PKP4: variants seen among roughly 807,000 people sequenced by gnomAD.
PKP4 encodes plakophilin-4.
PKP4 carries 90 observed loss-of-function variants against 145.1 expected under a neutral mutation model. That is an observed-to-expected ratio of 0.62 (90% CI 0.52 to 0.74). PKP4 has a LOEUF of 0.74. Ranked by LOEUF, PKP4 falls within the 30% of genes least tolerant of loss-of-function variation. PKP4 has a pLI of 0.00. For missense variants in PKP4, 1,340 were observed against 1,482.7 expected, an observed-to-expected ratio of 0.90 and a Z score of 1.58; for synonymous variants, 563 against 577.2, an observed-to-expected ratio of 0.98 and a Z score of 0.35.
chr2:158,673,672 C>T lies in PKP4; in HGVS notation c.2925-5C>T, dbSNP rs1353181009. 8 of 1,604,564 alleles carry T rather than the reference C, an allele frequency of 5.0e-6. No homozygotes were observed. Among genetic ancestry groups the T allele is most frequent in the Non-Finnish European group, 6.8e-6 (8 of 1,172,364 alleles). On this transcript the variant is annotated splice_polypyrimidine_tract_variant and splice_region_variant and intron_variant, in intron 17 of 21. Coordinates refer to ENST00000389759, the MANE Select transcript of PKP4 (RefSeq NM_003628.6). ...CATTCATTAATATCCTTGCTCTCTA[C>T]CTAGATCATCTCTGAAAGTGGTGAA...
At chr2:158,505,726 A>T (rs2040914531) in intron 1 of PKP4, among the ~76,000 whole-genome samples, 1 of 152,104 alleles carries the variant, frequency 6.6e-6, no homozygotes, top group Admixed American at 6.5e-5. Context: ...AAGGCTTCTT[A>T]GGTGACGTGA....
At chr2:158,477,508 G>T (rs1405348797) in intron 1 of PKP4, among the ~76,000 whole-genome samples, 1 of 152,322 alleles carries the variant, frequency 6.6e-6, no homozygotes, top group East Asian at 1.9e-4. Flanking sequence ...ATCAGCTCCT[G>T]TACCGTTGAG....
intron 2 of PKP4, among the ~76,000 whole-genome samples, chr2:158,565,435 C>CTTTTTTTTTTTTTTTTTTT (rs10690465): frequency 7.4e-6 from 1 of 135,766 alleles, no homozygotes. Context: ...TTCTTTTTTC[C>CTTTTTTTTTTTTTTTTTTT]TTTTTTTTTT....
chr2:158,496,788 G>GTGTGTGTGTC (rs1553545763), intron 1 of PKP4, among the ~76,000 whole-genome samples: 6 of 150,504 alleles, frequency 4.0e-5, no homozygotes, highest in Non-Finnish European at 8.9e-5. Context: ...GTGTGTGTGT[G>GTGTGTGTGTC]TGTGTGTCTG....
chr2:158,489,036 C>T (rs999210556), intron 1 of PKP4, among the ~76,000 whole-genome samples: 1 of 152,170 alleles, frequency 6.6e-6, no homozygotes, highest in South Asian at 2.1e-4. Flanking sequence ...TGGAGTTGAA[C>T]TTGATGATGA....
At chr2:158,581,291 AGTTCGTTCTTGC>A (rs1172207639) in intron 3 of PKP4, among the ~76,000 whole-genome samples, 3 of 152,156 alleles carry the variant, frequency 2.0e-5, no homozygotes, top group Non-Finnish European at 4.4e-5. Flanking sequence ...TGTTTGATTC[AGTTCGTTCTTGC>A]ATGAAATGAG....
chr2:158,621,449 A>G, intron 6 of PKP4, 28 bp downstream of exon 6: 1 of 1,596,264 alleles, frequency 6.3e-7, no homozygotes, highest in Non-Finnish European at 8.6e-7. Context: ...AGATCTCTGC[A>G]AAGAAATACC....
At chr2:158,500,649 A>G (rs1696417713) in intron 1 of PKP4, among the ~76,000 whole-genome samples, 1 of 152,204 alleles carries the variant, frequency 6.6e-6, no homozygotes, top group African/African-American at 2.4e-5. Flanking sequence ...GCACAACAGC[A>G]TGGATGAGAT....
intron 1 of PKP4, among the ~76,000 whole-genome samples, chr2:158,501,065 G>C (rs988090340): frequency 6.6e-6 from 1 of 152,128 alleles, no homozygotes; most frequent in Non-Finnish European, 1.5e-5. Flanking sequence ...ACTTGGCAGG[G>C]ACAACAGGCA....
intron 1 of PKP4, chr2:158,458,059 G>A (rs1689127104): frequency 6.5e-6 from 1 of 152,734 alleles, no homozygotes; most frequent in African/African-American, 2.4e-5. Flanking sequence ...TTGGCTGAGT[G>A]CGACACACCG....
rs530326442 is a variant in PKP4 at position 158,542,366 on chromosome 2, C to T, written c.132+9050C>T. Among the ~76,000 whole-genome samples the T allele has an allele frequency of 5.3e-5, 8 of 152,196 alleles. No individual in the cohort carries two copies. The South Asian group carries it at 1.5e-3, about 28-fold the overall frequency. Reference sequence around the variant, plus strand: ...AAAAAATATATCTTAGTGATTGCTGCTGTTGACATTCTAAGCTGATTGATT... The same window carrying T: ...AAAAAATATATCTTAGTGATTGCTGTTGTTGACATTCTAAGCTGATTGATT... On this transcript the variant is annotated intron_variant, in intron 2 of 21. Transcript: ENST00000389759.
intron 7 of PKP4, among the ~76,000 whole-genome samples, chr2:158,627,654 T>A (rs1270289410): frequency 6.6e-6 from 1 of 150,752 alleles, no homozygotes; most frequent in Non-Finnish European, 1.5e-5. Flanking sequence ...TACAGAAATA[T>A]ATATATATAT....
intron 3 of PKP4, among the ~76,000 whole-genome samples, chr2:158,578,756 TA>T (rs999741108): frequency 6.6e-6 from 1 of 152,196 alleles, no homozygotes; most frequent in African/African-American, 2.4e-5. Flanking sequence ...TAAATTAAAA[TA>T]GAAATTCTCT....
chr2:158,524,369 A>G (rs1206768931), intron 1 of PKP4, among the ~76,000 whole-genome samples: 1 of 85,592 alleles, frequency 1.2e-5, no homozygotes, highest in East Asian at 3.6e-4. Flanking sequence ...AGAATTTCAT[A>G]TCCAGCCAAA....
chr2:158,635,835 C>G (rs1316945248), intron 9 of PKP4, among the ~76,000 whole-genome samples: 2 of 152,092 alleles, frequency 1.3e-5, no homozygotes, highest in Non-Finnish European at 2.9e-5. Context: ...AACTGGAATT[C>G]AGGTGACTTT....
At chr2:158,635,437 T>C (rs1274289442) in intron 9 of PKP4, among the ~76,000 whole-genome samples, 1 of 152,164 alleles carries the variant, frequency 6.6e-6, no homozygotes, top group Non-Finnish European at 1.5e-5. Flanking sequence ...TGATTTTGTT[T>C]TTTCAAATCC....
intron 2 of PKP4, among the ~76,000 whole-genome samples, chr2:158,566,671 A>T (rs545723520): frequency 6.6e-6 from 1 of 152,298 alleles, no homozygotes; most frequent in South Asian, 2.1e-4. Context: ...GTCATTGACA[A>T]CTACAGCTTA....
At chr2:158,561,199 C>T (rs2046483345) in intron 2 of PKP4, among the ~76,000 whole-genome samples, 1 of 152,192 alleles carries the variant, frequency 6.6e-6, no homozygotes, top group Non-Finnish European at 1.5e-5. Flanking sequence ...TGCTTTTGCA[C>T]TCCCAGGTCA....
intron 1 of PKP4, among the ~76,000 whole-genome samples, chr2:158,473,086 T>G (rs908759789): frequency 1.3e-5 from 2 of 152,122 alleles, no homozygotes; most frequent in African/African-American, 4.8e-5. Context: ...ATTAGACAAA[T>G]GCAAATCAAA....
Sources: gnomAD v4.1 joint callset for allele counts (sites outside exome capture counted in the v4.1 genomes callset) on GRCh38, gnomAD v4.1.1 for gene constraint, MANE v1.5 for transcripts, NCBI Gene and HGNC (gene_info 2026-07-23, HGNC 2026-07-21) for gene names.